Variants in SHANK2 observed in about 807,000 individuals in gnomAD.
SHANK2 encodes the protein SH3 and multiple ankyrin repeat domains 2.
A neutral mutation model predicts 133.7 loss-of-function variants in SHANK2; 43 were observed. The observed-to-expected ratio is 0.32, with a 90% CI of 0.25 to 0.41. The LOEUF is 0.41. Ranked by LOEUF, SHANK2 falls within the 10% of genes least tolerant of loss-of-function variation. The probability of loss-of-function intolerance (pLI) is 1.00; values close to 1 mark genes in which losing one functional copy is unlikely to be tolerated. For synonymous variants in SHANK2, 1,017 were observed against 952.8 expected (o/e 1.07, Z -1.24); for missense variants, 1,994 against 2,235.8 (o/e 0.89, Z 2.18).
At chr11:70,928,344 A>G (rs1226263566) in intron 10 of SHANK2, among the ~76,000 whole-genome samples, 3 of 152,216 alleles carry the variant, frequency 2.0e-5, no homozygotes, top group African/African-American at 7.2e-5. Flanking sequence ...CAGCTGGTCA[A>G]CTTGCTACAA....
At chr11:70,484,816 CA>C (rs1555152521) in intron 25 of SHANK2, among the ~76,000 whole-genome samples, 1 of 152,194 alleles carries the variant, frequency 6.6e-6, no homozygotes, top group African/African-American at 2.4e-5. Context: ...CTGTGCCTCC[CA>C]AGCCCGCAAA....
chr11:71,235,367 G>A (rs572088875), intron 1 of SHANK2, among the ~76,000 whole-genome samples: 97 of 152,270 alleles, frequency 6.4e-4, no homozygotes, highest in African/African-American at 2.3e-3. Context: ...GCCGAGGCAG[G>A]TGGATCACCT....
intron 11 of SHANK2, among the ~76,000 whole-genome samples, chr11:70,832,126 C>A (rs1167246489): frequency 4.6e-5 from 7 of 152,166 alleles, no homozygotes; most frequent in African/African-American, 9.7e-5. Context: ...GCCTCTGTTT[C>A]CTAGTCTGTT....
intron 14 of SHANK2, among the ~76,000 whole-genome samples, chr11:70,741,293 G>A (rs1466670243): frequency 4.3e-5 from 6 of 139,756 alleles, no homozygotes; most frequent in East Asian, 2.1e-4. Flanking sequence ...TCATCCATCC[G>A]TGCATCCAAC....
intron 12 of SHANK2, among the ~76,000 whole-genome samples, chr11:70,818,188 A>G (rs527751659): frequency 1.3e-5 from 2 of 152,170 alleles, no homozygotes; most frequent in Admixed American, 6.5e-5. Flanking sequence ...ACACACACAC[A>G]CATACACAAT....
Position 71,161,068 on chromosome 11 carries a change from C to A in SHANK2, c.-12-13730G>T, listed in dbSNP as rs551964357. 3.3e-5 allele frequency among the ~76,000 whole-genome samples: 5 copies of A among 152,320 alleles called. No homozygotes were observed. The East Asian group carries it at 9.6e-4, about 29-fold the overall frequency. ...CCAGCTGCTCTTTGCCAAAGGCATT[C>A]CAAAGTAAAACTGAAAAACTAGTTC... On this transcript the variant is annotated intron_variant, in intron 2 of 25. Coordinates refer to ENST00000601538, the MANE Select transcript of SHANK2 (RefSeq NM_012309.5).
At chr11:71,202,953 A>T (rs1207294873) in intron 2 of SHANK2, among the ~76,000 whole-genome samples, 3 of 152,172 alleles carry the variant, frequency 2.0e-5, no homozygotes, top group Admixed American at 1.3e-4. Flanking sequence ...GGTGACTTTG[A>T]CCCTTTTTCT....
intron 17 of SHANK2, among the ~76,000 whole-genome samples, chr11:70,589,144 C>A (rs539035842): frequency 6.6e-6 from 1 of 152,136 alleles, no homozygotes; most frequent in Non-Finnish European, 1.5e-5. Flanking sequence ...GAAGAAGATG[C>A]CATCTAGGAT....
chr11:70,578,672 CGTGACCTCATGCTTG>C (rs1446418042), intron 17 of SHANK2, among the ~76,000 whole-genome samples: 1 of 152,156 alleles, frequency 6.6e-6, no homozygotes, highest in African/African-American at 2.4e-5. Flanking sequence ...CAGCCAGGTG[CGTGACCTCATGCTTG>C]GTGTCATCGA....
At chr11:70,604,436 C>G (rs2060546841) in intron 17 of SHANK2, 1 of 152,570 alleles carries the variant, frequency 6.6e-6, no homozygotes, top group African/African-American at 2.4e-5. Context: ...GACAGTGAGT[C>G]CAGGAGGGCC....
chr11:71,147,009 C>A lies in SHANK2; in HGVS notation c.207+111G>T, dbSNP rs1317587010. The A allele has an allele frequency of 4.4e-6, 4 of 902,210 alleles. No homozygotes were observed. In the African/African-American group the frequency reaches 5.0e-5, roughly 11 times the overall value. The allele number at this position is 902,210 out of a possible 1,614,324, so 55.9% of individuals were successfully genotyped here. The stretch of plus-strand genomic sequence containing the variant: ...TGGAGCGAGGAAGGAGCACGGTGTG[C>A]CCAGAGCAGTCAGGACCGTGGGTCC... On this transcript the variant is annotated intron_variant, in intron 3 of 25. Coordinates refer to ENST00000601538, the MANE Select transcript of SHANK2 (RefSeq NM_012309.5).
chr11:70,554,901 ATTTTT>A (rs11435528), intron 17 of SHANK2, among the ~76,000 whole-genome samples: 1 of 134,168 alleles, frequency 7.5e-6, no homozygotes, highest in Non-Finnish European at 1.5e-5. Context: ...CGAACATTGC[ATTTTT>A]TTTTTTTTTA....
intron 17 of SHANK2, among the ~76,000 whole-genome samples, chr11:70,615,482 T>TA (rs2060726397): frequency 6.6e-6 from 1 of 152,054 alleles, no homozygotes; most frequent in African/African-American, 2.4e-5. Flanking sequence ...CCAAAAGTCA[T>TA]ATGGCCCCGG....
intron 8 of SHANK2, among the ~76,000 whole-genome samples, chr11:71,077,710 G>C (rs1323091317): frequency 4.6e-5 from 7 of 152,250 alleles, no homozygotes; most frequent in African/African-American, 1.2e-4. Context: ...TGCCATGCAG[G>C]GGGGTGAGGG....
intron 17 of SHANK2, among the ~76,000 whole-genome samples, chr11:70,582,776 C>T (rs1187959043): frequency 7.9e-5 from 12 of 152,160 alleles, no homozygotes; most frequent in Admixed American, 2.0e-4. Context: ...TAGAAGCTGG[C>T]GGAGCTTCAG....
chr11:70,904,530 T>C (rs1157299193), intron 10 of SHANK2, among the ~76,000 whole-genome samples: 3 of 136,562 alleles, frequency 2.2e-5, no homozygotes, highest in African/African-American at 8.7e-5. Flanking sequence ...TTTTTTTTAA[T>C]GGAGTCTAAC....
At chr11:71,135,784 C>G (rs1378354232) in intron 3 of SHANK2, among the ~76,000 whole-genome samples, 2 of 152,068 alleles carry the variant, frequency 1.3e-5, no homozygotes, top group African/African-American at 4.8e-5. Context: ...ATCCTCAGAC[C>G]GGGAAGAAGT....
chr11:70,748,809 G>A (rs55754148), intron 14 of SHANK2, among the ~76,000 whole-genome samples: 49,876 of 151,998 alleles, frequency 0.33, 8,521 homozygotes, highest in Non-Finnish European at 0.36. Context: ...CACTAGTGCC[G>A]AATAAGCTGG....
At chr11:70,953,056 C>A (rs1950868395) in intron 10 of SHANK2, among the ~76,000 whole-genome samples, 1 of 152,102 alleles carries the variant, frequency 6.6e-6, no homozygotes, top group Non-Finnish European at 1.5e-5. Flanking sequence ...CAGCCTCCTT[C>A]CCTGTGTGTG....
Sources: allele counts gnomAD v4.1 joint callset (sites outside exome capture counted in the v4.1 genomes callset), GRCh38; gene constraint gnomAD v4.1.1; transcripts MANE v1.5; gene names NCBI Gene and HGNC (gene_info 2026-07-23, HGNC 2026-07-21).